The following CTNND2 variants were observed in gnomAD, a reference collection of about 807,000 sequenced individuals.
CTNND2 encodes the protein catenin delta 2.
In CTNND2, 22 loss-of-function variants were observed where a neutral mutation model predicts 144.4. The ratio of observed to expected loss-of-function variants is 0.15; its 90% CI spans 0.11 to 0.22. The LOEUF (loss-of-function observed/expected upper bound fraction) is 0.22. CTNND2 is among the 10% of genes least tolerant of loss of function. CTNND2 has a pLI of 1.00. For synonymous variants in CTNND2, 751 were observed against 695.6 expected, an observed-to-expected ratio of 1.08 and a Z score of -1.25; for missense variants, 1,353 against 1,618.8, an observed-to-expected ratio of 0.84 and a Z score of 2.82.
In CTNND2 at chr5:10,979,521, C is replaced by T. The variant is rs189252214; in HGVS notation, c.3417+2252G>A. 2.1e-3 allele frequency among the ~76,000 whole-genome samples: 316 copies of T among 152,294 alleles called. 4 individuals carry two copies. The highest frequency in any genetic ancestry group is 0.01 in the Middle Eastern group (3 of 294). ...TGCTGCACATGGAGTGGGCTGATGC[C>T]CACCATGGGAAGGAGAGATGTATGA... On this transcript the variant is annotated intron_variant, in intron 21 of 21. Transcript: ENST00000304623.
Position 11,525,783 on chromosome 5 carries a change from C to T in CTNND2, c.287+39161G>A, listed in dbSNP as rs1045960118. On this transcript the variant is annotated intron_variant, in intron 3 of 21. Transcript: ENST00000304623. ...GTGTGGGTGTGTGTGAAAGGTGCAG[C>T]GATGGGATGGTGCCCTGTTCAGGGC... is the stretch of plus-strand genomic sequence containing the variant. 5.3e-5 allele frequency among the ~76,000 whole-genome samples: 8 copies of T among 152,204 alleles called. No homozygotes were observed. In the East Asian group the frequency reaches 5.8e-4, roughly 11 times the overall value.
At chr5:11,326,405 A>G (rs911394383) in intron 9 of CTNND2, among the ~76,000 whole-genome samples, 1 of 152,174 alleles carries the variant, frequency 6.6e-6, no homozygotes, top group African/African-American at 2.4e-5. Context: ...AGGGACATGG[A>G]AAAGAGAGTC....
At chr5:11,688,776 G>T (rs1784770022) in intron 2 of CTNND2, among the ~76,000 whole-genome samples, 1 of 152,152 alleles carries the variant, frequency 6.6e-6, no homozygotes, top group Admixed American at 6.5e-5. Flanking sequence ...GACACAGAGA[G>T]CATCCCTATT....
intron 13 of CTNND2, among the ~76,000 whole-genome samples, chr5:11,113,910 G>T (rs1435492170): frequency 6.6e-6 from 1 of 152,168 alleles, no homozygotes; most frequent in African/African-American, 2.4e-5. Flanking sequence ...GAAAACTTAC[G>T]AGGAAAACCA....
At chr5:11,019,040 A>G (rs1180500217) in intron 17 of CTNND2, among the ~76,000 whole-genome samples, 1 of 152,190 alleles carries the variant, frequency 6.6e-6, no homozygotes, top group African/African-American at 2.4e-5. Flanking sequence ...TTGGTGAGGT[A>G]AAAAAGCTAC....
intron 2 of CTNND2, among the ~76,000 whole-genome samples, chr5:11,700,559 G>C (rs1434289315): frequency 6.6e-6 from 1 of 152,114 alleles, no homozygotes; most frequent in Non-Finnish European, 1.5e-5. Flanking sequence ...AATGTGCCTC[G>C]GGGTGATGCA....
intron 1 of CTNND2, among the ~76,000 whole-genome samples, chr5:11,852,482 T>G: frequency 6.6e-6 from 1 of 152,002 alleles, no homozygotes; most frequent in African/African-American, 2.4e-5. Flanking sequence ...GGAGTAAACA[T>G]AACATTTGGG....
At chr5:11,520,573 C>T (rs1340827114) in intron 3 of CTNND2, among the ~76,000 whole-genome samples, 1 of 152,232 alleles carries the variant, frequency 6.6e-6, no homozygotes, top group East Asian at 1.9e-4. Flanking sequence ...TAGCATCAGA[C>T]CTTGATCTCA....
chr5:11,524,340 G>A (rs1371640709), intron 3 of CTNND2, among the ~76,000 whole-genome samples: 2 of 152,196 alleles, frequency 1.3e-5, no homozygotes, highest in Non-Finnish European at 2.9e-5. Context: ...ACTAAGGCAT[G>A]AAATCTGAAA....
At chr5:11,104,718 CAGCTGA>C (rs944409123) in intron 14 of CTNND2, among the ~76,000 whole-genome samples, 37 of 152,292 alleles carry the variant, frequency 2.4e-4, no homozygotes, top group African/African-American at 8.7e-4. Flanking sequence ...ACTTCGGCTG[CAGCTGA>C]GGCTGAGGCT....
intron 9 of CTNND2, among the ~76,000 whole-genome samples, chr5:11,342,715 G>A (rs546012458): frequency 6.6e-6 from 1 of 152,040 alleles, no homozygotes; most frequent in East Asian, 1.9e-4. Flanking sequence ...AGTATATCTG[G>A]GTATATCAGT....
chr5:11,661,988 C>T (rs189785241), intron 2 of CTNND2, among the ~76,000 whole-genome samples: 124 of 150,628 alleles, frequency 8.2e-4, no homozygotes, highest in Non-Finnish European at 1.0e-3. Flanking sequence ...TGTATATATA[C>T]ACACACACAC....
chr5:11,420,987 CACCTTAACTCTGCTT>C (rs1376142897), intron 3 of CTNND2, among the ~76,000 whole-genome samples: 1 of 152,078 alleles, frequency 6.6e-6, no homozygotes, highest in Non-Finnish European at 1.5e-5. Flanking sequence ...ATTTCTACCC[CACCTTAACTCTGCTT>C]ACCTTTAGGA....
chr5:11,679,391 C>G (rs1784327665), intron 2 of CTNND2, among the ~76,000 whole-genome samples: 1 of 152,192 alleles, frequency 6.6e-6, no homozygotes, highest in Non-Finnish European at 1.5e-5. Context: ...GCTTGTATCT[C>G]TATCAGAATT....
At chr5:11,250,491 C>CTCTATATATATATA (rs869141186) in intron 9 of CTNND2, among the ~76,000 whole-genome samples, 145 of 64,076 alleles carry the variant, frequency 2.3e-3, no homozygotes, top group African/African-American at 6.2e-3. Context: ...CTCTCTCTCT[C>CTCTATATATATATA]TATATATATA....
intron 6 of CTNND2, among the ~76,000 whole-genome samples, 200 bp from the exon 7 acceptor site, chr5:11,385,429 G>T (rs1758986297): frequency 6.6e-6 from 1 of 152,166 alleles, no homozygotes; most frequent in Non-Finnish European, 1.5e-5. Context: ...TCCTGACACT[G>T]GCACAGGCCA....
intron 18 of CTNND2, among the ~76,000 whole-genome samples, chr5:10,995,580 C>T (rs762219097): frequency 6.6e-5 from 10 of 152,040 alleles, no homozygotes; most frequent in Admixed American, 1.3e-4. Context: ...TTATTTTAAA[C>T]GGAAATGGAG....
chr5:11,240,545 A>AC (rs1742241304), intron 9 of CTNND2, among the ~76,000 whole-genome samples: 2 of 63,586 alleles, frequency 3.1e-5, no homozygotes, highest in Non-Finnish European at 5.2e-5. Context: ...CAACACACAC[A>AC]CCCAACACAC....
chr5:11,690,760 A>G (rs1784871755), intron 2 of CTNND2, among the ~76,000 whole-genome samples: 1 of 150,070 alleles, frequency 6.7e-6, no homozygotes, highest in African/African-American at 2.4e-5. Flanking sequence ...AAAAAAAAAA[A>G]AAAAAAAAAA....
Sources: allele counts gnomAD v4.1 joint callset (sites outside exome capture counted in the v4.1 genomes callset), GRCh38; gene constraint gnomAD v4.1.1; transcripts MANE v1.5; gene names NCBI Gene and HGNC (gene_info 2026-07-23, HGNC 2026-07-21).